GPC6: variants seen among roughly 807,000 people sequenced by gnomAD.
GPC6 encodes the protein glypican 6.
GPC6 carries 14 observed loss-of-function variants against 55.2 expected under a neutral mutation model. The observed-to-expected ratio is 0.25, with a 90% confidence interval of 0.17 to 0.40. The LOEUF (loss-of-function observed/expected upper bound fraction) is 0.40. Ranked by LOEUF, GPC6 falls within the 10% of genes least tolerant of loss-of-function variation. GPC6 has a pLI of 1.00. For missense variants in GPC6, 641 were observed against 708.5 expected (o/e 0.90, Z 1.08); for synonymous variants, 278 against 259.6 (o/e 1.07, Z -0.68).
At chr13:94,073,840 C>A (rs913945769) in intron 4 of GPC6, among the ~76,000 whole-genome samples, 8 of 151,998 alleles carry the variant, frequency 5.3e-5, no homozygotes, top group African/African-American at 1.5e-4. Flanking sequence ...ACAACAACAA[C>A]AAAAAATGAC....
chr13:93,436,857 C>G (rs1016709085), intron 1 of GPC6, among the ~76,000 whole-genome samples: 13 of 152,082 alleles, frequency 8.5e-5, no homozygotes, highest in African/African-American at 3.1e-4. Context: ...TATTGTGTTT[C>G]CCTTTATTGA....
chr13:93,326,967 G>C (rs1879680265), intron 1 of GPC6, among the ~76,000 whole-genome samples: 1 of 152,122 alleles, frequency 6.6e-6, no homozygotes. Context: ...AGGTGTTATT[G>C]GTTTTCACTG....
intron 2 of GPC6, among the ~76,000 whole-genome samples, chr13:93,746,066 T>A (rs1031736501): frequency 4.6e-5 from 7 of 152,208 alleles, no homozygotes; most frequent in African/African-American, 1.7e-4. Context: ...AAAGCCAGAT[T>A]CAGAACCACA....
At chr13:93,285,895 GA>G (rs1445156308) in intron 1 of GPC6, among the ~76,000 whole-genome samples, 1 of 152,018 alleles carries the variant, frequency 6.6e-6, no homozygotes, top group Non-Finnish European at 1.5e-5. Context: ...ACTTACATGA[GA>G]AATACAGATT....
At chr13:93,984,864 G>C (rs1000535942) in intron 3 of GPC6, among the ~76,000 whole-genome samples, 1 of 152,144 alleles carries the variant, frequency 6.6e-6, no homozygotes, top group Admixed American at 6.5e-5. Flanking sequence ...AGCTATCTTA[G>C]ATAACTGGCT....
chr13:93,754,723 G>A (rs1035444467), intron 2 of GPC6, among the ~76,000 whole-genome samples: 13 of 151,286 alleles, frequency 8.6e-5, no homozygotes, highest in Non-Finnish European at 1.8e-4. Context: ...AACTAAAATC[G>A]ATGGAACTAC....
chr13:93,624,017 C>T (rs1301705164), intron 2 of GPC6, among the ~76,000 whole-genome samples: 3 of 151,984 alleles, frequency 2.0e-5, no homozygotes, highest in Non-Finnish European at 4.4e-5. Flanking sequence ...GAAATATTTT[C>T]CCCATCTTAT....
chr13:93,301,502 CA>C (rs1878680100), intron 1 of GPC6, among the ~76,000 whole-genome samples: 1 of 152,146 alleles, frequency 6.6e-6, no homozygotes, highest in Non-Finnish European at 1.5e-5. Flanking sequence ...GAGCTTCCTG[CA>C]GTTGTTGATG....
chr13:94,350,939 C>A (rs1878508849), intron 6 of GPC6, among the ~76,000 whole-genome samples: 1 of 152,128 alleles, frequency 6.6e-6, no homozygotes, highest in South Asian at 2.1e-4. Context: ...CTTCCACCAA[C>A]AAACTTGGCT....
At chr13:93,276,786 G>C (rs187747034) in intron 1 of GPC6, among the ~76,000 whole-genome samples, 8 of 152,202 alleles carry the variant, frequency 5.3e-5, no homozygotes, top group African/African-American at 1.9e-4. Context: ...CTCACTCCCT[G>C]GGCAGGGATT....
intron 2 of GPC6, among the ~76,000 whole-genome samples, chr13:93,638,754 T>C (rs572557157): frequency 6.6e-6 from 1 of 152,282 alleles, no homozygotes; most frequent in South Asian, 2.1e-4. Flanking sequence ...AAGTTATGCC[T>C]TGAGAATGGT....
At chr13:94,254,361 T>C (rs1332455935) in intron 4 of GPC6, among the ~76,000 whole-genome samples, 1 of 152,122 alleles carries the variant, frequency 6.6e-6, no homozygotes, top group Admixed American at 6.6e-5. Context: ...AGATTTTGTT[T>C]GCCTCTACCT....
intron 2 of GPC6, among the ~76,000 whole-genome samples, chr13:93,645,019 G>T (rs1880114576): frequency 6.6e-6 from 1 of 151,986 alleles, no homozygotes; most frequent in Non-Finnish European, 1.5e-5. Context: ...GGTTACAGTA[G>T]GACTGAAGGG....
At chr13:94,251,320 G>A (rs1322847536) in intron 4 of GPC6, among the ~76,000 whole-genome samples, 1 of 151,666 alleles carries the variant, frequency 6.6e-6, no homozygotes. Flanking sequence ...GGGCAAAGCG[G>A]GGGAGAGCAT....
chr13:93,944,920 G>A (rs1878929827), intron 3 of GPC6, among the ~76,000 whole-genome samples: 1 of 152,102 alleles, frequency 6.6e-6, no homozygotes, highest in African/African-American at 2.4e-5. Context: ...TTGGGGTGGG[G>A]AGGGGATTTT....
In GPC6 at chr13:93,618,924, G is replaced by T. The variant is rs139079996; in HGVS notation, c.319+73503G>T. Among the ~76,000 whole-genome samples the T allele has an allele frequency of 1.6e-3, 246 of 152,138 alleles. 5 individuals are homozygous for T. The East Asian group carries it at 0.042, about 26-fold the overall frequency. The stretch of plus-strand genomic sequence containing the variant: ...GAGTATACATCTACAAACCTAAATG[G>T]TATAGCCTACTCCAAACCTAGGCTG... On this transcript the variant is annotated intron_variant, in intron 2 of 8. Transcript: ENST00000377047.
chr13:93,487,274 A>G (rs1594204983), intron 1 of GPC6, among the ~76,000 whole-genome samples: 1 of 152,126 alleles, frequency 6.6e-6, no homozygotes, highest in African/African-American at 2.4e-5. Flanking sequence ...GGTTTGCTAC[A>G]TAGGTAAACG....
At position 93,440,702 on chromosome 13, in the gene GPC6, T is replaced by TA. The variant is rs1045541689; in HGVS notation, c.161-104561_161-104560insA. ...ATTTATTTTTTTAATTATACACTGATTTTTTATTATACTTTAAGTTCTAGG... is the reference window on the plus strand; with the variant it reads ...ATTTATTTTTTTAATTATACACTGATATTTTTATTATACTTTAAGTTCTAGG... On this transcript the variant is annotated intron_variant, in intron 1 of 8. Coordinates refer to ENST00000377047, the MANE Select transcript of GPC6 (RefSeq NM_005708.5). Among the ~76,000 whole-genome samples, 4 of 5,528 alleles carry TA rather than the reference T, an allele frequency of 7.2e-4. No individual in the cohort carries two copies. In the Non-Finnish European group the frequency reaches 0.037, roughly 51 times the overall value. The allele number at this position is 5,528 out of a possible 152,430, so 3.6% of individuals were successfully genotyped here. A position where few individuals can be genotyped will look rare whatever the true frequency, so the allele number is the denominator to read the frequency against.
chr13:94,336,091 T>G (rs916610447), intron 6 of GPC6, among the ~76,000 whole-genome samples: 4 of 152,148 alleles, frequency 2.6e-5, no homozygotes, highest in Admixed American at 2.6e-4. Context: ...TGCTGGTAGA[T>G]GCTCGGAAAA....
Sources: gnomAD v4.1 joint callset for allele counts (sites outside exome capture counted in the v4.1 genomes callset) on GRCh38, gnomAD v4.1.1 for gene constraint, MANE v1.5 for transcripts, NCBI Gene and HGNC (gene_info 2026-07-23, HGNC 2026-07-21) for gene names.